NLRP7: variants seen among roughly 807,000 people sequenced by gnomAD.
The protein encoded by NLRP7 is NLR family pyrin domain containing 7.
Under a neutral mutation model 85.5 loss-of-function variants are expected in NLRP7, and 72 were observed. The ratio of observed to expected loss-of-function variants is 0.84; its 90% CI spans 0.70 to 1.02. NLRP7 has a LOEUF of 1.02. Ranked by LOEUF, NLRP7 falls within the 50% of genes least tolerant of loss-of-function variation. The pLI, the probability that NLRP7 is intolerant of heterozygous loss-of-function variation, is 0.00. For synonymous variants in NLRP7, 550 were observed against 505.2 expected, an observed-to-expected ratio of 1.09 and a Z score of -1.19; for missense variants, 1,243 against 1,219.5, an observed-to-expected ratio of 1.02 and a Z score of -0.29.
chr19:54,963,167 G>A (rs918720186), intron 1 of NLRP7, among the ~76,000 whole-genome samples: 1 of 152,046 alleles, frequency 6.6e-6, no homozygotes, highest in African/African-American at 2.4e-5. Flanking sequence ...AGGCCGTGGT[G>A]GGAAGATTGC....
rs539142966 is a variant in NLRP7 at position 54,934,858 on chromosome 19, C to T, written c.2301-199G>A. On this transcript the variant is annotated intron_variant, in intron 6 of 9. Transcript: ENST00000340844. This position sits in a 1 kb window ranked among gnomAD's most constrained non-coding sequence, Gnocchi z 6.7. ...CGAAGTAGCTGGGATTACAGGCATT[C>T]GCCAATTTTTGTATTTTTAGTAGAG... is the stretch of plus-strand genomic sequence containing the variant. 3.9e-4 allele frequency among the ~76,000 whole-genome samples: 59 copies of T among 152,088 alleles called. No individual in the cohort carries two copies. The highest frequency in any genetic ancestry group is 1.1e-3 in the African/African-American group (46 of 41,518).
At chr19:54,962,852 G>A (rs1023936371) in intron 1 of NLRP7, among the ~76,000 whole-genome samples, 1 of 151,854 alleles carries the variant, frequency 6.6e-6, no homozygotes, top group African/African-American at 2.4e-5. Context: ...GCCCGCCTCG[G>A]CCTCCCAAAG....
At chr19:54,964,574 G>T (rs1344537952) in intron 1 of NLRP7, among the ~76,000 whole-genome samples, 4 of 151,826 alleles carry the variant, frequency 2.6e-5, no homozygotes, top group African/African-American at 4.8e-5. Context: ...TGTAATCCCA[G>T]CACTTTAGGA....
chr19:54,940,061 T>C (rs1300828425), exon 4 of NLRP7: 4 of 1,614,052 alleles, frequency 2.5e-6, no homozygotes. Context: ...ATCAAGGCCA[T>C]CGACCACGAA....
chr19:54,940,264 G>A lies in NLRP7; in HGVS notation c.555C>T (p.Thr185=), dbSNP rs754428027. ...CCAGCATACACTTTTTGGCCAGCGT[G>A]GTTTTCCCCACGCCTGCGGGGCCGT... is the stretch of plus-strand genomic sequence containing the variant. Residue 185 remains threonine (T), a synonymous_variant, in exon 4 of 10, where the codon ACC becomes ACT. Transcript: ENST00000340844. 5.1e-5 allele frequency: 82 copies of A among 1,614,210 alleles called. 1 individual carries two copies. The South Asian group carries it at 8.3e-4, about 16-fold the overall frequency.
At chr19:54,939,595 C>A in exon 4 of NLRP7, 1 of 1,611,294 alleles carries the variant, frequency 6.2e-7, no homozygotes. Flanking sequence ...GCGCGCCCCG[C>A]AGCTGTGCGC....
At chr19:54,923,948 A>T (rs2068327597) in intron 9 of NLRP7, 76 bp from the exon 11 acceptor site, 1 of 1,501,050 alleles carries the variant, frequency 6.7e-7, no homozygotes, top group South Asian at 1.1e-5. Flanking sequence ...ATCTGTTTTC[A>T]AACACTCAAA....
intron 8 of NLRP7, among the ~76,000 whole-genome samples, chr19:54,932,859 G>C (rs1362835143): frequency 1.3e-5 from 2 of 152,006 alleles, no homozygotes; most frequent in Admixed American, 1.3e-4. Context: ...TTTTCACCAT[G>C]TTGGCCAGGC....
chr19:54,923,842 G>T, exon 10 of NLRP7: 1 of 1,614,012 alleles, frequency 6.2e-7, no homozygotes, highest in South Asian at 1.1e-5. Context: ...ACAGCTTCTT[G>T]ATTTCCAAAT....
chr19:54,934,373 A>T lies in NLRP7; in HGVS notation c.2471+116T>A, dbSNP rs1448238104. ...GGAGCCACCGTGCCGGGCCTGAAGC[A>T]GGTGTTTATTTCAGCAAGAGGCGCC... On this transcript the variant is annotated intron_variant, in intron 7 of 9. Coordinates refer to ENST00000340844, the Ensembl canonical transcript of NLRP7. The surrounding 1 kb of genome is among the most constrained non-coding windows in gnomAD (Gnocchi z 6.7). 1 of 1,002,980 alleles carries T rather than the reference A, an allele frequency of 1.0e-6. No individual in the cohort carries two copies. Among genetic ancestry groups the T allele is most frequent in the Non-Finnish European group, 1.6e-6 (1 of 622,656 alleles). The allele number at this position is 1,002,980 out of a possible 1,614,324, so 62.1% of individuals were successfully genotyped here.
chr19:54,931,685 C>CAA (rs67176965), intron 8 of NLRP7, among the ~76,000 whole-genome samples: 1 of 129,742 alleles, frequency 7.7e-6, no homozygotes, highest in Non-Finnish European at 1.7e-5. Flanking sequence ...AACTCCATCT[C>CAA]AAAAAAAAAA....
Position 54,934,314 on chromosome 19 carries a change from T to C in NLRP7, c.2471+175A>G, listed in dbSNP as rs1203257423. ...TTGGTCTCGAACTCCTGAACTCAGA[T>C]GATCCGCCCACCTCTCTGCTGAGAT... On this transcript the variant is annotated intron_variant, in intron 7 of 9. Coordinates refer to ENST00000340844, the Ensembl canonical transcript of NLRP7. The surrounding 1 kb of genome is among the most constrained non-coding windows in gnomAD (Gnocchi z 6.7). 6.6e-6 allele frequency among the ~76,000 whole-genome samples: 1 copy of C among 152,128 alleles called. No individual in the cohort carries two copies. Among genetic ancestry groups the C allele is most frequent in the African/African-American group, 2.4e-5 (1 of 41,440 alleles).
chr19:54,955,202 G>C (rs1394571573), intron 1 of NLRP7, among the ~76,000 whole-genome samples: 1 of 150,990 alleles, frequency 6.6e-6, no homozygotes, highest in African/African-American at 2.4e-5. Context: ...GGTGGTGCGT[G>C]CCTGTAATCC....
At chr19:54,964,938 TTAA>T (rs1348551916) in intron 1 of NLRP7, 1 of 106,800 alleles carries the variant, frequency 9.4e-6, no homozygotes, top group Non-Finnish European at 2.0e-5. Flanking sequence ...TGGATTTTTA[TTAA>T]TAATATACCT....
At chr19:54,944,094 A>C (rs1002045886) in intron 1 of NLRP7, among the ~76,000 whole-genome samples, 1 of 152,136 alleles carries the variant, frequency 6.6e-6, no homozygotes, top group Non-Finnish European at 1.5e-5. Flanking sequence ...ATAGCCTGAG[A>C]TAAGGCCTCG....
chr19:54,933,658 C>T (rs199804625), exon 8 of NLRP7: 67 of 1,614,100 alleles, frequency 4.2e-5, no homozygotes, highest in Middle Eastern at 3.3e-4. Flanking sequence ...TGGCCAAGCA[C>T]AGGTGTGTCA....
rs199574646 is a variant in NLRP7, at chr19:54,939,727, C to T, written c.1092G>A (p.Ala364=). Residue 364 remains alanine, a synonymous_variant, in exon 4 of 10, where the codon GCG becomes GCA. Coordinates refer to ENST00000340844, the Ensembl canonical transcript of NLRP7. ...GAGTCGTGCACACAATCCAGCACAC[C>T]GCGGGGGCCGAGCCCAGCTGGAACA... 21 of 1,613,528 alleles carry T rather than the reference C, an allele frequency of 1.3e-5. No individual in the cohort carries two copies. The East Asian group carries it at 3.6e-4, about 27-fold the overall frequency.
rs761705560 is a variant in NLRP7 at position 54,939,508 on chromosome 19, C to A, written c.1311G>T (p.Arg437Ser). 3 of 1,613,842 alleles carry A rather than the reference C, an allele frequency of 1.9e-6. No individual in the cohort carries two copies. The highest frequency in any genetic ancestry group is 2.5e-6 in the Non-Finnish European group (3 of 1,179,952). ...GGAGGTCGGACTCCTGCACCCCGAGCCTTTCCAGGTCCTCTCGGTGGAACA... is the reference window on the plus strand; with the variant it reads ...GGAGGTCGGACTCCTGCACCCCGAGACTTTCCAGGTCCTCTCGGTGGAACA... Residue 437 changes from arginine (R) to serine (S), a missense_variant, in exon 4 of 10, where the codon AGG becomes AGT. Arg to Ser is a moderately radical substitution (Grantham distance 110). Coordinates refer to ENST00000340844, the Ensembl canonical transcript of NLRP7.
intron 1 of NLRP7, among the ~76,000 whole-genome samples, chr19:54,944,674 A>C (rs2069387932): frequency 6.6e-6 from 1 of 152,090 alleles, no homozygotes; most frequent in Non-Finnish European, 1.5e-5. Flanking sequence ...AGTGAGGTAT[A>C]ATTACATATA....
Sources: gnomAD v4.1 joint callset for allele counts (sites outside exome capture counted in the v4.1 genomes callset) on GRCh38, gnomAD v4.1.1 for gene constraint, Gnocchi (gnomAD v3.1) non-coding constraint, MANE v1.5 for transcripts, NCBI Gene and HGNC (gene_info 2026-07-23, HGNC 2026-07-21) for gene names.